The following KALRN variants were observed in gnomAD, a reference collection of about 807,000 sequenced individuals.
KALRN encodes the protein kalirin.
KALRN carries 70 observed loss-of-function variants against 353.7 expected under a neutral mutation model. That is an observed-to-expected ratio of 0.20 (90% CI 0.16 to 0.24). The LOEUF is 0.24. Ranked by LOEUF, KALRN falls within the 10% of genes least tolerant of loss-of-function variation. The pLI is 1.00. For missense variants in KALRN, 2,791 were observed against 3,756.7 expected (o/e 0.74, Z 6.72); for synonymous variants, 1,391 against 1,434.8 (o/e 0.97, Z 0.69).
chr3:124,230,633 G>T (rs189035849), intron 2 of KALRN, among the ~76,000 whole-genome samples: 1 of 152,030 alleles, frequency 6.6e-6, no homozygotes, highest in East Asian at 1.9e-4. Context: ...TAGGACGAAG[G>T]GGGCTGGGAG....
At chr3:124,042,838 G>A (rs2040090309) in intron 1 of KALRN, among the ~76,000 whole-genome samples, 2 of 152,150 alleles carry the variant, frequency 1.3e-5, no homozygotes, top group Non-Finnish European at 2.9e-5. Flanking sequence ...TTGGAAGGAG[G>A]CCAGATCTGG....
chr3:124,474,293 G>A (rs1001088198), intron 25 of KALRN, among the ~76,000 whole-genome samples: 1 of 151,974 alleles, frequency 6.6e-6, no homozygotes, highest in African/African-American at 2.4e-5. Context: ...ATTTTATTTT[G>A]TTTCTTTGAA....
At chr3:124,605,488 G>A (rs1451224101) in intron 34 of KALRN, among the ~76,000 whole-genome samples, 1 of 151,134 alleles carries the variant, frequency 6.6e-6, no homozygotes, top group Non-Finnish European at 1.5e-5. Context: ...CAGGAGAATT[G>A]CTTGAACCCA....
chr3:124,253,977 T>G (rs1275429127), intron 3 of KALRN, among the ~76,000 whole-genome samples: 1 of 152,104 alleles, frequency 6.6e-6, no homozygotes, highest in Non-Finnish European at 1.5e-5. Context: ...CTGTTTTAAG[T>G]GGGAATCTGC....
intron 1 of KALRN, among the ~76,000 whole-genome samples, chr3:124,165,086 A>C (rs981059236): frequency 3.9e-5 from 6 of 152,234 alleles, no homozygotes; most frequent in African/African-American, 1.4e-4. Context: ...AGAGGTCAGG[A>C]GGAATGGAAA....
chr3:124,085,844 A>G (rs12629234), intron 1 of KALRN, among the ~76,000 whole-genome samples: 22,917 of 152,216 alleles, frequency 0.15, 2,080 homozygotes, highest in East Asian at 0.45. Context: ...ATAGTTTGGT[A>G]TATGTATATC....
intron 10 of KALRN, among the ~76,000 whole-genome samples, chr3:124,355,517 T>A (rs1182424535): frequency 6.6e-6 from 1 of 152,056 alleles, no homozygotes; most frequent in Non-Finnish European, 1.5e-5. Flanking sequence ...ATAGATGAAA[T>A]AAGAATAAAA....
chr3:124,584,567 T>A, intron 34 of KALRN: 1 of 1,297,408 alleles, frequency 7.7e-7, no homozygotes, highest in Non-Finnish European at 9.9e-7. Context: ...CGGCCGCTGC[T>A]GGCCAGGTCT....
intron 1 of KALRN, among the ~76,000 whole-genome samples, chr3:124,112,028 G>A (rs1277196604): frequency 6.6e-6 from 1 of 152,100 alleles, no homozygotes; most frequent in Non-Finnish European, 1.5e-5. Context: ...TCCTGGCCGG[G>A]CACGGTGGCA....
intron 33 of KALRN, among the ~76,000 whole-genome samples, chr3:124,561,276 A>C (rs561070936): frequency 6.6e-6 from 1 of 152,192 alleles, no homozygotes; most frequent in Non-Finnish European, 1.5e-5. Flanking sequence ...AAATGGAAAA[A>C]TATTTTCTTC....
At chr3:124,543,378 T>G (rs2069264278) in intron 33 of KALRN, among the ~76,000 whole-genome samples, 1 of 151,500 alleles carries the variant, frequency 6.6e-6, no homozygotes, top group South Asian at 2.1e-4. Flanking sequence ...CTCGGCTCAC[T>G]GCAAGCTCCG....
Position 124,669,693 on chromosome 3 carries a change from G to A in KALRN, c.6704-1967G>A, listed in dbSNP as rs532225535. 1.8e-4 allele frequency among the ~76,000 whole-genome samples: 28 copies of A among 152,236 alleles called. No individual in the cohort carries two copies. In the South Asian group the frequency reaches 3.5e-3, roughly 19 times the overall value. On this transcript the variant is annotated intron_variant, in intron 47 of 59. Coordinates refer to ENST00000682506, the MANE Select transcript of KALRN (RefSeq NM_001388419.1). Reference sequence around the variant, plus strand: ...ATCATGGAGATACAGTCAGCCCTTGGTATCCACAGGGAATTGGTTCCAAGA... The same window carrying A: ...ATCATGGAGATACAGTCAGCCCTTGATATCCACAGGGAATTGGTTCCAAGA...
chr3:124,382,517 G>A (rs979199682), intron 10 of KALRN, among the ~76,000 whole-genome samples: 1 of 152,178 alleles, frequency 6.6e-6, no homozygotes, highest in African/African-American at 2.4e-5. Flanking sequence ...CTGGGACACA[G>A]GAATTTCTAT....
intron 6 of KALRN, among the ~76,000 whole-genome samples, chr3:124,320,500 C>T (rs1388713592): frequency 6.6e-6 from 1 of 152,150 alleles, no homozygotes; most frequent in Non-Finnish European, 1.5e-5. Flanking sequence ...AAGTGAAGAG[C>T]CCCAACACCC....
chr3:124,644,540 T>TG (rs1274248228), intron 37 of KALRN, among the ~76,000 whole-genome samples: 1 of 152,080 alleles, frequency 6.6e-6, no homozygotes. Context: ...TGTGTTCTCA[T>TG]TGTTCAACTC....
chr3:124,384,646 C>T lies in KALRN; in HGVS notation c.1771-199C>T, dbSNP rs967307341. 3 of 487,904 alleles carry T rather than the reference C, an allele frequency of 6.1e-6. No homozygotes were observed. The East Asian group carries it at 9.6e-5, about 16-fold the overall frequency. The allele number at this position is 487,904 out of a possible 1,614,324, so 30.2% of individuals were successfully genotyped here. ...TGAGAAATCCCAGGGGTGGATGAGG[C>T]ACCTAGCTGGTGCCCGCCTGCAGGC... On this transcript the variant is annotated intron_variant, in intron 10 of 59. Coordinates refer to ENST00000682506, the MANE Select transcript of KALRN (RefSeq NM_001388419.1).
At chr3:124,585,786 T>C (rs940782671) in intron 34 of KALRN, among the ~76,000 whole-genome samples, 1 of 152,214 alleles carries the variant, frequency 6.6e-6, no homozygotes, top group Non-Finnish European at 1.5e-5. Context: ...TACTTGACAT[T>C]TGCCCTTTTA....
intron 13 of KALRN, among the ~76,000 whole-genome samples, chr3:124,402,190 G>A (rs1026645400): frequency 3.3e-5 from 5 of 152,176 alleles, no homozygotes; most frequent in African/African-American, 1.2e-4. Flanking sequence ...ATGAGCTGCT[G>A]CACCAATCTC....
chr3:124,585,041 G>A (rs1160582225), intron 34 of KALRN: 27 of 1,092,552 alleles, frequency 2.5e-5, no homozygotes, highest in Non-Finnish European at 1.3e-6. Context: ...CAGGAGGGCG[G>A]CGAAGTGAGA....
Sources: gnomAD v4.1 joint callset for allele counts (sites outside exome capture counted in the v4.1 genomes callset) on GRCh38, gnomAD v4.1.1 for gene constraint, MANE v1.5 for transcripts, NCBI Gene and HGNC (gene_info 2026-07-23, HGNC 2026-07-21) for gene names.